The following MLLT10 variants were observed in gnomAD, a reference collection of about 807,000 sequenced individuals.
MLLT10 encodes the protein protein AF-10.
In MLLT10, 30 loss-of-function variants were observed where a neutral mutation model predicts 129.1. That is an observed-to-expected ratio of 0.23 (90% CI 0.17 to 0.32). MLLT10 has a LOEUF of 0.32. Ranked by LOEUF, MLLT10 falls within the 10% of genes least tolerant of loss-of-function variation. The pLI is 1.00. For missense variants in MLLT10, 1,119 were observed against 1,268.3 expected, an observed-to-expected ratio of 0.88 and a Z score of 1.79; for synonymous variants, 490 against 446.4, an observed-to-expected ratio of 1.10 and a Z score of -1.23.
At chr10:21,540,035 G>A (rs906598383) in intron 3 of MLLT10, among the ~76,000 whole-genome samples, 10 of 152,020 alleles carry the variant, frequency 6.6e-5, no homozygotes, top group African/African-American at 2.4e-4. Flanking sequence ...CAGGAGGATT[G>A]CTTGAGTCCA....
intron 22 of MLLT10, 91 bp downstream of exon 22, chr10:21,740,327 G>C (rs935196553): frequency 7.1e-7 from 1 of 1,410,156 alleles, no homozygotes; most frequent in African/African-American, 1.4e-5. Flanking sequence ...TTGTTCCCCT[G>C]ATCATTTCTT....
intron 4 of MLLT10, among the ~76,000 whole-genome samples, chr10:21,587,447 A>AT (rs2042096037): frequency 6.7e-6 from 1 of 150,022 alleles, no homozygotes; most frequent in Non-Finnish European, 1.5e-5. Context: ...AAAAAAAAAA[A>AT]GCTGACTTCT....
At chr10:21,738,323 A>G (rs2058548910) in intron 21 of MLLT10, 3 of 1,034,184 alleles carry the variant, frequency 2.9e-6, no homozygotes, top group South Asian at 3.0e-5. Context: ...TTTTCTTACC[A>G]GTTGCCTCAT....
At chr10:21,650,443 A>G (rs1235327557) in intron 8 of MLLT10, among the ~76,000 whole-genome samples, 1 of 152,200 alleles carries the variant, frequency 6.6e-6, no homozygotes, top group African/African-American at 2.4e-5. Context: ...ACGTACTTAG[A>G]TCAGGAATTA....
chr10:21,570,662 G>A (rs1433140889), intron 3 of MLLT10, among the ~76,000 whole-genome samples: 2 of 151,170 alleles, frequency 1.3e-5, no homozygotes. Context: ...TTTCATCTTA[G>A]ACTTTGTAAT....
chr10:21,720,091 G>A, intron 14 of MLLT10, among the ~76,000 whole-genome samples: 1 of 152,156 alleles, frequency 6.6e-6, no homozygotes, highest in East Asian at 1.9e-4. Flanking sequence ...AGAATTTGTT[G>A]GTTAATCTAT....
chr10:21,710,114 T>C (rs570419286), intron 13 of MLLT10, among the ~76,000 whole-genome samples: 15 of 152,354 alleles, frequency 9.8e-5, no homozygotes, highest in African/African-American at 3.6e-4. Flanking sequence ...CTTTGTGATC[T>C]ATTTTTGTTT....
chr10:21,607,817 T>C (rs1277456730), intron 5 of MLLT10, among the ~76,000 whole-genome samples: 1 of 152,206 alleles, frequency 6.6e-6, no homozygotes, highest in Non-Finnish European at 1.5e-5. Context: ...ATCAGAGCTG[T>C]TTGTTTTTCA....
In MLLT10 at chr10:21,658,865, G is replaced by A. The variant is rs1356051796; in HGVS notation, c.795+7097G>A. Among the ~76,000 whole-genome samples the A allele has an allele frequency of 2.0e-5, 3 of 152,022 alleles. No individual in the cohort carries two copies. In the South Asian group the frequency reaches 6.2e-4, roughly 32 times the overall value. On this transcript the variant is annotated intron_variant, in intron 9 of 22. Transcript: ENST00000307729. ...ATTTTTTTAGTAGAGATGGGGTTTC[G>A]CCGTGTTAGCTAGGATGGTCTCAAT...
At chr10:21,731,083 C>T in intron 17 of MLLT10, 29 bp downstream of exon 17, 2 of 1,581,626 alleles carry the variant, frequency 1.3e-6, no homozygotes, top group Non-Finnish European at 1.7e-6. Flanking sequence ...ATATGTGAAT[C>T]AAGACAGATG....
chr10:21,678,095 G>GCTTTTCTTTT (rs202146373), intron 11 of MLLT10, among the ~76,000 whole-genome samples: 2 of 151,932 alleles, frequency 1.3e-5, no homozygotes, highest in African/African-American at 4.8e-5. Context: ...TATTTGTAAA[G>GCTTTTCTTTT]CTTTTCTTTT....
intron 5 of MLLT10, among the ~76,000 whole-genome samples, chr10:21,606,808 G>A (rs1350584650): frequency 6.6e-6 from 1 of 152,214 alleles, no homozygotes; most frequent in African/African-American, 2.4e-5. Flanking sequence ...AAAGGATGTA[G>A]AATATGCCCT....
At chr10:21,675,826 G>A (rs538797007) in intron 11 of MLLT10, among the ~76,000 whole-genome samples, 15 of 152,120 alleles carry the variant, frequency 9.9e-5, no homozygotes, top group Non-Finnish European at 1.8e-4. Flanking sequence ...ACATTGGAAT[G>A]CTTATTTGAA....
chr10:21,576,149 A>G (rs1469283498), intron 3 of MLLT10, among the ~76,000 whole-genome samples: 3 of 149,932 alleles, frequency 2.0e-5, no homozygotes, highest in Non-Finnish European at 4.4e-5. Context: ...CTGGTTTCGA[A>G]CCCCTGGCCT....
At position 21,682,202 on chromosome 10, in the gene MLLT10, G is replaced by A. The variant is rs569413717; in HGVS notation, c.1667-23G>A. The A allele has an allele frequency of 6.9e-6, 11 of 1,603,674 alleles. No individual in the cohort carries two copies. The Admixed American group carries it at 1.9e-4, about 28-fold the overall frequency. ...TGTTTGAGAATGATCTTAACCTGAA[G>A]TCCTTTTTTCCTTACTTAAAAGCGT... On this transcript the variant is annotated intron_variant, in intron 12 of 22. Transcript: ENST00000307729.
At chr10:21,603,208 G>A (rs1226825515) in intron 5 of MLLT10, among the ~76,000 whole-genome samples, 1 of 149,666 alleles carries the variant, frequency 6.7e-6, no homozygotes, top group Admixed American at 6.7e-5. Context: ...GTCCACCACC[G>A]TGCTCGGCTA....
chr10:21,708,600 C>T (rs2055768640), intron 13 of MLLT10: 1 of 984,880 alleles, frequency 1.0e-6, no homozygotes, highest in Non-Finnish European at 1.2e-6. Context: ...AACTGAGTAC[C>T]AGATATTGTT....
intron 3 of MLLT10, among the ~76,000 whole-genome samples, chr10:21,569,994 C>T (rs771078704): frequency 3.9e-5 from 6 of 152,210 alleles, no homozygotes; most frequent in Non-Finnish European, 8.8e-5. Flanking sequence ...ATTGCAATCT[C>T]TGCCTCCTGG....
At chr10:21,588,665 C>G (rs553827843) in intron 4 of MLLT10, among the ~76,000 whole-genome samples, 1 of 152,032 alleles carries the variant, frequency 6.6e-6, no homozygotes, top group Non-Finnish European at 1.5e-5. Flanking sequence ...AAAAGCTGTT[C>G]TACATACCTT....
Sources: allele counts gnomAD v4.1 joint callset (sites outside exome capture counted in the v4.1 genomes callset), GRCh38; gene constraint gnomAD v4.1.1; transcripts MANE v1.5; gene names NCBI Gene and HGNC (gene_info 2026-07-23, HGNC 2026-07-21).